The following SYTL5 variants were observed in gnomAD, a reference collection of about 807,000 sequenced individuals.
SYTL5 encodes synaptotagmin like 5.
Under a neutral mutation model 55.9 loss-of-function variants are expected in SYTL5, and 34 were observed. The observed-to-expected ratio is 0.61, with a 90% CI of 0.46 to 0.81. The LOEUF is 0.81. Among genes scored for constraint, SYTL5 ranks in the 30% least tolerant of loss-of-function variants. SYTL5 has a pLI of 0.00. For synonymous variants in SYTL5, 221 were observed against 188.7 expected (o/e 1.17, Z -1.40); for missense variants, 637 against 546.7 (o/e 1.17, Z -1.65).
chrX:38,099,244 G>C (rs189359514), intron 9 of SYTL5, among the ~76,000 whole-genome samples: 132 of 110,478 alleles, frequency 1.2e-3, no homozygotes, highest in South Asian at 1.9e-3. Context: ...CAGTTATAAG[G>C]GTTCATTATG....
chrX:37,997,745 C>T, the SYTL5 span, among the ~76,000 whole-genome samples: 1 of 112,420 alleles, frequency 8.9e-6, no homozygotes, highest in African/African-American at 3.2e-5. Context: ...GGTGGAAGGT[C>T]CACATTGAGG....
the SYTL5 span, among the ~76,000 whole-genome samples, chrX:37,955,211 A>G: frequency 0.045 from 5,082 of 111,762 alleles, 100 homozygotes; most frequent in Middle Eastern, 0.074. Flanking sequence ...ATTATAATTT[A>G]TTGATCAATT....
chrX:37,981,959 C>G, the SYTL5 span, among the ~76,000 whole-genome samples: 1 of 111,619 alleles, frequency 9.0e-6, no homozygotes, highest in Non-Finnish European at 1.9e-5. Context: ...GACCAATACC[C>G]AGAGTTGCCA....
intron 10 of SYTL5, among the ~76,000 whole-genome samples, chrX:38,104,580 A>G (rs778262104): frequency 8.9e-6 from 1 of 112,056 alleles, no homozygotes; most frequent in East Asian, 2.8e-4. Context: ...AAGACATGTG[A>G]CCACATCACC....
At chrX:37,896,808 A>G in the SYTL5 span, among the ~76,000 whole-genome samples, 1 of 112,146 alleles carries the variant, frequency 8.9e-6, no homozygotes, top group Non-Finnish European at 1.9e-5. Flanking sequence ...CAGCCAACCC[A>G]CAGAATAATG....
rs755394576 is a variant in SYTL5 at position 38,072,106 on chromosome X, A to T, written c.389A>T (p.Gln130Leu). Residue 130 changes from glutamine to leucine, a missense_variant, in exon 4 of 17, where the codon CAA becomes CTA. Gln to Leu is a moderately radical substitution (Grantham distance 113, BLOSUM62 -2). Transcript: ENST00000297875. ...FFEEKAKRFKQVNVLGTDVVR... is the reference protein window; with the variant it reads ...FFEEKAKRFKLVNVLGTDVVR... ...GAAGAAAAGGCAAAACGTTTCAAGC[A>T]AGTCAATGTTCTCGGCACTGATGTT... The T allele has an allele frequency of 4.1e-6, 5 of 1,211,253 alleles. No homozygotes were observed. The South Asian group carries it at 7.0e-5, about 17-fold the overall frequency.
chrX:38,098,199 T>C (rs1936987151), intron 9 of SYTL5, among the ~76,000 whole-genome samples: 1 of 111,062 alleles, frequency 9.0e-6, no homozygotes, highest in South Asian at 3.7e-4. Context: ...GTAAATTAAA[T>C]TTCATCAAAA....
the SYTL5 span, among the ~76,000 whole-genome samples, chrX:37,988,420 G>C: frequency 8.9e-6 from 1 of 112,255 alleles, no homozygotes; most frequent in Non-Finnish European, 1.9e-5. Context: ...CCAAATTTAT[G>C]GCAATTCATT....
chrX:38,007,212 T>A (rs1934021504), intron 1 of SYTL5, among the ~76,000 whole-genome samples: 1 of 111,892 alleles, frequency 8.9e-6, no homozygotes, highest in Admixed American at 9.5e-5. Flanking sequence ...CCAGTATGGA[T>A]ATAAATTCAG....
chrX:38,028,958 G>A (rs1011979308), intron 1 of SYTL5, among the ~76,000 whole-genome samples: 2 of 111,725 alleles, frequency 1.8e-5, no homozygotes, highest in South Asian at 3.7e-4. Context: ...TAAGCCAAAC[G>A]TCATTTTTAT....
intron 2 of SYTL5, among the ~76,000 whole-genome samples, chrX:38,035,959 A>G (rs1344138709): frequency 9.0e-6 from 1 of 111,485 alleles, no homozygotes; most frequent in African/African-American, 3.3e-5. Flanking sequence ...ATGAAGTACA[A>G]TGAATAGGAC....
At chrX:38,064,609 A>AT (rs1219491282) in intron 3 of SYTL5, among the ~76,000 whole-genome samples, 17 of 110,615 alleles carry the variant, frequency 1.5e-4, no homozygotes, top group African/African-American at 5.6e-4. Flanking sequence ...TTTGAAGGCT[A>AT]TTTTTTCTGT....
chrX:37,990,819 G>T, the SYTL5 span: 1 of 1,176,700 alleles, frequency 8.5e-7, no homozygotes, highest in South Asian at 1.9e-5. Context: ...GAGCTGATGA[G>T]AGCCAAACCC....
At chrX:37,934,443 G>T in the SYTL5 span, among the ~76,000 whole-genome samples, 1 of 106,288 alleles carries the variant, frequency 9.4e-6, no homozygotes, top group Non-Finnish European at 1.9e-5. Flanking sequence ...AACAGATTTG[G>T]GCAAGCAGAA....
chrX:37,995,737 C>T, the SYTL5 span, among the ~76,000 whole-genome samples: 1 of 112,415 alleles, frequency 8.9e-6, no homozygotes, highest in African/African-American at 3.2e-5. Flanking sequence ...GTGAGTCCCT[C>T]TAGGATGGGT....
intron 2 of SYTL5, among the ~76,000 whole-genome samples, chrX:38,048,143 G>A (rs980183999): frequency 6.4e-5 from 7 of 109,637 alleles, no homozygotes; most frequent in Non-Finnish European, 1.1e-4. Context: ...CTGAGATCAC[G>A]CCACTGCACT....
chrX:38,046,665 A>G (rs921702917), intron 2 of SYTL5, among the ~76,000 whole-genome samples: 2 of 111,309 alleles, frequency 1.8e-5, no homozygotes, highest in African/African-American at 6.5e-5. Context: ...AAAACCAATC[A>G]TGCCTTCCCA....
the SYTL5 span, among the ~76,000 whole-genome samples, chrX:37,997,870 A>T: frequency 8.9e-6 from 1 of 112,367 alleles, no homozygotes; most frequent in African/African-American, 3.2e-5. Context: ...CCCGTGGACC[A>T]GTCAGCATAC....
In SYTL5 at chrX:38,072,120, G is replaced by T. The variant is rs1178332522; in HGVS notation, c.403G>T (p.Gly135Cys). The change falls in exon 4 of 17, where the codon GGC (glycine) becomes TGC (cysteine). Residue 135 changes from glycine (G) to cysteine (C), a missense_variant. Gly to Cys is a radical substitution (Grantham distance 159). Transcript: ENST00000297875. ...AKRFKQVNVL[G>C]TDVVRQSILR... ...ACGTTTCAAGCAAGTCAATGTTCTC[G>T]GCACTGATGTTGTCCGACAGTCCAT... 1 of 1,210,234 alleles carries T rather than the reference G, an allele frequency of 8.3e-7. No homozygotes were observed. The highest frequency in any genetic ancestry group is 3.0e-5 in the East Asian group (1 of 33,798).
Sources: allele counts gnomAD v4.1 joint callset (sites outside exome capture counted in the v4.1 genomes callset), GRCh38; gene constraint gnomAD v4.1.1; transcripts MANE v1.5; gene names NCBI Gene and HGNC (gene_info 2026-07-23, HGNC 2026-07-21).